Variants in RABAC1 observed in about 807,000 individuals in gnomAD.
RABAC1 encodes prenylated Rab acceptor protein 1.
Under a neutral mutation model 22.9 loss-of-function variants are expected in RABAC1, and 16 were observed. That is an observed-to-expected ratio of 0.70 (90% CI 0.47 to 1.06). The LOEUF is 1.06. Among genes scored for constraint, RABAC1 ranks in the 50% least tolerant of loss-of-function variants. RABAC1 has a pLI of 0.00. For synonymous variants in RABAC1, 139 were observed against 107.7 expected, an observed-to-expected ratio of 1.29 and a Z score of -1.80; for missense variants, 227 against 246.5, an observed-to-expected ratio of 0.92 and a Z score of 0.53.
chr19:41,958,227 C>CA, intron 3 of RABAC1, 59 bp downstream of exon 3: 1 of 1,496,140 alleles, frequency 6.7e-7, no homozygotes, highest in Non-Finnish European at 9.2e-7. Flanking sequence ...GGTCTGTCTG[C>CA]ATTCCAAAAG....
intron 2 of RABAC1, 82 bp from the exon 3 acceptor site, chr19:41,958,465 G>A (rs1555857021): frequency 1.5e-6 from 2 of 1,351,618 alleles, no homozygotes; most frequent in Non-Finnish European, 1.0e-6. Context: ...CCACCGGCGG[G>A]CGGCAAGCTA....
Position 41,956,746 on chromosome 19 carries a change from T to C in RABAC1, c.*100A>G, listed in dbSNP as rs1420565523. On this transcript the variant is annotated 3_prime_UTR_variant, in exon 5 of 5. Coordinates refer to ENST00000222008, the MANE Select transcript of RABAC1 (RefSeq NM_006423.3). Reference sequence around the variant, plus strand: ...GCGGGATCCCTCCCCGGGCTTGTGATGGGACGGCGCTGTGGGCCCGAGCAG... The same window carrying C: ...GCGGGATCCCTCCCCGGGCTTGTGACGGGACGGCGCTGTGGGCCCGAGCAG... 2.5e-5 allele frequency: 28 copies of C among 1,107,104 alleles called. No individual in the cohort carries two copies. Among genetic ancestry groups the C allele is most frequent in the Non-Finnish European group, 3.5e-5 (27 of 782,472 alleles). The allele number at this position is 1,107,104 out of a possible 1,614,324, so 68.6% of individuals were successfully genotyped here. A position where few individuals can be genotyped will look rare whatever the true frequency, so the allele number is the denominator to read the frequency against.
chr19:41,958,798 G>T lies in RABAC1; in HGVS notation c.207C>A (p.Arg69=). The T allele has an allele frequency of 1.2e-6, 2 of 1,612,314 alleles. No homozygotes were observed. Among genetic ancestry groups the T allele is most frequent in the Admixed American group, 1.7e-5 (1 of 59,990 alleles). ...NLGELCQRLV[R]NVEYYQSNYV... ...AGTTGCTCTGGTAGTACTCCACGTTGCGTACGAGGCGCTGGCACAGCTCTC... is the reference window on the plus strand; with the variant it reads ...AGTTGCTCTGGTAGTACTCCACGTTTCGTACGAGGCGCTGGCACAGCTCTC... Residue 69 remains arginine, a synonymous_variant, in exon 2 of 5, where the codon CGC becomes CGA. Coordinates refer to ENST00000222008, the MANE Select transcript of RABAC1 (RefSeq NM_006423.3).
intron 3 of RABAC1, 190 bp downstream of exon 3, chr19:41,958,096 G>T: frequency 3.5e-6 from 2 of 578,892 alleles, no homozygotes; most frequent in Non-Finnish European, 3.1e-6. Context: ...ATTTGAGGGG[G>T]CTGAGACTCG....
chr19:41,958,310 A>C lies in RABAC1; in HGVS notation c.343T>G (p.Leu115Val), dbSNP rs782154395. ...GACYILYLRTLESKLVLFGRE... is the reference protein window; with the variant it reads ...GACYILYLRTVESKLVLFGRE... Reference sequence around the variant, plus strand: ...CCAAAGAGCACAAGCTTGGACTCCAAGGTGCGCAGATAGAGAATGTAACAG... The same window carrying C: ...CCAAAGAGCACAAGCTTGGACTCCACGGTGCGCAGATAGAGAATGTAACAG... Residue 115 changes from leucine (L) to valine (V), a missense_variant, in exon 3 of 5, where the codon TTG becomes GTG. Coordinates refer to ENST00000222008, the MANE Select transcript of RABAC1 (RefSeq NM_006423.3). The C allele has an allele frequency of 3.7e-6, 6 of 1,613,130 alleles. No individual in the cohort carries two copies. In the East Asian group the frequency reaches 1.3e-4, roughly 36 times the overall value.
intron 2 of RABAC1, 86 bp downstream of exon 2, chr19:41,958,650 G>C (rs2145931975): frequency 2.1e-6 from 3 of 1,405,660 alleles, no homozygotes; most frequent in Non-Finnish European, 2.9e-6. Flanking sequence ...GGAGGGACCG[G>C]GCGGTGAAGG....
rs782251314 is a variant in RABAC1, at chr19:41,959,299, G to A, written c.-7C>T. 4 of 1,613,454 alleles carry A rather than the reference G, an allele frequency of 2.5e-6. No individual in the cohort carries two copies. The African/African-American group carries it at 5.3e-5, about 22-fold the overall frequency. On this transcript the variant is annotated 5_prime_UTR_variant, in exon 1 of 5. In the 5' UTR this introduces an upstream ATG that the reference lacks. Coordinates refer to ENST00000222008, the MANE Select transcript of RABAC1 (RefSeq NM_006423.3). ...GGTCCTTCTGCGCTGCCATGTCTGC[G>A]TCGTGAGGGGTAGAGCTGCTGTAAC...
chr19:41,958,632 C>A, intron 2 of RABAC1, 104 bp downstream of exon 2: 1 of 1,261,894 alleles, frequency 7.9e-7, no homozygotes, highest in Non-Finnish European at 1.1e-6. Context: ...GGGCCCTGGG[C>A]GGTGAGAGGA....
Position 41,958,964 on chromosome 19 carries a change from C to G in RABAC1, c.57-16G>C. 6.5e-7 allele frequency: 1 copy of G among 1,549,566 alleles called. No individual in the cohort carries two copies. Reference sequence around the variant, plus strand: ...CAGCAGGGTCCTGCGGGGGGTGGGGCCGGGTCAGTGGTGGACCGGGATGGA... The same window carrying G: ...CAGCAGGGTCCTGCGGGGGGTGGGGGCGGGTCAGTGGTGGACCGGGATGGA... On this transcript the variant is annotated splice_polypyrimidine_tract_variant and intron_variant, in intron 1 of 4. Coordinates refer to ENST00000222008, the MANE Select transcript of RABAC1 (RefSeq NM_006423.3).
Position 41,957,002 on chromosome 19 carries a change from C to T in RABAC1, c.469+16G>A, listed in dbSNP as rs1555856775. 1.9e-6 allele frequency: 3 copies of T among 1,613,676 alleles called. No individual in the cohort carries two copies. Among genetic ancestry groups the T allele is most frequent in the Non-Finnish European group, 2.5e-6 (3 of 1,179,946 alleles). On this transcript the variant is annotated intron_variant, in intron 4 of 4. Transcript: ENST00000222008. The stretch of plus-strand genomic sequence containing the variant: ...GCTCCCACCATCCACCCCAGCTGCT[C>T]AGACCCTGTACTCACCCAGCACCCA...
intron 3 of RABAC1, chr19:41,957,354 C>T (rs970113238): frequency 5.6e-6 from 3 of 538,456 alleles, no homozygotes; most frequent in East Asian, 6.2e-5. Flanking sequence ...GCCCTCTGCC[C>T]CACATCCTCC....
intron 1 of RABAC1, 99 bp downstream of exon 1, chr19:41,959,138 G>A (rs1350012104): frequency 1.2e-5 from 18 of 1,525,988 alleles, no homozygotes; most frequent in African/African-American, 2.8e-5. Flanking sequence ...TCTGCGGCTC[G>A]GGGCTGGGAC....
At position 41,958,285 on chromosome 19, in the gene RABAC1, C is replaced by G; in HGVS notation, c.367+1G>C. The stretch of plus-strand genomic sequence containing the variant: ...ATTCATCTGGGCAGGGGGTTTCTCA[C>G]CAAAGAGCACAAGCTTGGACTCCAA... On this transcript the variant is annotated splice_donor_variant, in intron 3 of 4. Coordinates refer to ENST00000222008, the MANE Select transcript of RABAC1 (RefSeq NM_006423.3). LOFTEE classifies it high-confidence loss of function. 1 of 1,610,574 alleles carries G rather than the reference C, an allele frequency of 6.2e-7. No homozygotes were observed. The highest frequency in any genetic ancestry group is 8.5e-7 in the Non-Finnish European group (1 of 1,178,106).
chr19:41,958,239 C>A, intron 3 of RABAC1, 47 bp downstream of exon 3: 1 of 1,547,708 alleles, frequency 6.5e-7, no homozygotes, highest in Non-Finnish European at 8.8e-7. Context: ...TTCCAAAAGA[C>A]CAAGATTTGA....
At chr19:41,959,212 G>A (rs781873903) in intron 1 of RABAC1, 25 bp downstream of exon 1, 15 of 1,613,070 alleles carry the variant, frequency 9.3e-6, no homozygotes, top group Non-Finnish European at 1.3e-5. Context: ...TCTCTGGTCC[G>A]AGGGCCTAGA....
At chr19:41,957,229 T>C in intron 3 of RABAC1, 110 bp from the exon 4 acceptor site, 1 of 893,494 alleles carries the variant, frequency 1.1e-6, no homozygotes, top group Non-Finnish European at 1.8e-6. Context: ...CGGGATCGAA[T>C]CCAAACTCCT....
chr19:41,958,359 C>T lies in RABAC1; in HGVS notation c.294G>A (p.Val98=), dbSNP rs782276099. ...YCVVTSPMLL[V]ALAVFFGACY... ...AGGCGCCGAAAAAGACAGCCAGAGC[C>T]ACCAGCAACATAGGGGACGTCACCC... Residue 98 remains valine, a synonymous_variant, in exon 3 of 5, where the codon GTG becomes GTA. Transcript: ENST00000222008. The T allele has an allele frequency of 1.2e-6, 2 of 1,613,594 alleles. No individual in the cohort carries two copies. The highest frequency in any genetic ancestry group is 3.3e-5 in the Admixed American group (2 of 59,950).
Position 41,958,885 on chromosome 19 carries a change from C to A in RABAC1, c.120G>T (p.Ala40=). ...CGAAGGTGCTCCAGGGCCGGATGGT[C>A]GCGCGGCGCCGCTCCAGCCACTCCC... ...AGREWLERRR[A]TIRPWSTFVD... Residue 40 remains alanine, a synonymous_variant, in exon 2 of 5, where the codon GCG becomes GCT. Transcript: ENST00000222008. 1 of 1,596,210 alleles carries A rather than the reference C, an allele frequency of 6.3e-7. No individual in the cohort carries two copies.
At position 41,958,820 on chromosome 19, in the gene RABAC1, T is replaced by G; in HGVS notation, c.185A>C (p.Glu62Ala). 1 of 1,611,110 alleles carries G rather than the reference T, an allele frequency of 6.2e-7. No individual in the cohort carries two copies. Among genetic ancestry groups the G allele is most frequent in the Non-Finnish European group, 8.5e-7 (1 of 1,179,828 alleles). Reference protein sequence around the residue: ...QRFSRPRNLGELCQRLVRNVE... With the variant: ...QRFSRPRNLGALCQRLVRNVE... ...GTTGCGTACGAGGCGCTGGCACAGC[T>G]CTCCCAGGTTGCGGGGCCGTGAGAA... The change falls in exon 2 of 5, where the codon GAG becomes GCG. Residue 62 changes from glutamate (E) to alanine (A), a missense_variant. Coordinates refer to ENST00000222008, the MANE Select transcript of RABAC1 (RefSeq NM_006423.3).
Sources: gnomAD v4.1 joint callset for allele counts on GRCh38, gnomAD v4.1.1 for gene constraint, MANE v1.5 for transcripts, NCBI Gene and HGNC (gene_info 2026-07-23, HGNC 2026-07-21) for gene names.